Variants in GALNT13 observed in about 807,000 individuals in gnomAD.
The protein encoded by GALNT13 is UDP-GalNAc:polypeptide N-acetylgalactosaminyltransferase 13.
In GALNT13, 28 loss-of-function variants were observed where a neutral mutation model predicts 64.2. The ratio of observed to expected loss-of-function variants is 0.44; its 90% CI spans 0.32 to 0.60. GALNT13 has a LOEUF of 0.60. GALNT13 is among the 20% of genes least tolerant of loss of function. The pLI, the probability that GALNT13 is intolerant of heterozygous loss-of-function variation, is 0.05. For missense variants in GALNT13, 577 were observed against 669.8 expected, an observed-to-expected ratio of 0.86 and a Z score of 1.53; for synonymous variants, 214 against 224.6, an observed-to-expected ratio of 0.95 and a Z score of 0.42.
At chr2:154,398,581 T>A (rs1345013956) in intron 10 of GALNT13, among the ~76,000 whole-genome samples, 3 of 152,218 alleles carry the variant, frequency 2.0e-5, no homozygotes, top group African/African-American at 7.2e-5. Flanking sequence ...AAGAGAGGAA[T>A]TGAGCCTTTC....
intron 11 of GALNT13, 198 bp downstream of exon 11, chr2:154,409,280 C>A: frequency 1.8e-6 from 1 of 570,314 alleles, no homozygotes; most frequent in Non-Finnish European, 3.1e-6. Context: ...ATAAAAAGAG[C>A]AACACTTTCA....
chr2:153,780,238 T>TATATGC, the GALNT13 span, among the ~76,000 whole-genome samples: 454 of 14,976 alleles, frequency 0.03, 12 homozygotes, highest in Non-Finnish European at 0.091. Flanking sequence ...TATATATATA[T>TATATGC]ATATATATAT....
chr2:153,948,099 TG>T (rs1191804825), intron 3 of GALNT13, among the ~76,000 whole-genome samples: 1 of 152,128 alleles, frequency 6.6e-6, no homozygotes, highest in African/African-American at 2.4e-5. Context: ...TAGTATAGTT[TG>T]GTGTCAAGTA....
chr2:153,137,652 C>T, the GALNT13 span, among the ~76,000 whole-genome samples: 54 of 149,282 alleles, frequency 3.6e-4, no homozygotes, highest in East Asian at 8.5e-3. Flanking sequence ...TTACTTTATT[C>T]GATAAGTATT....
At chr2:153,135,814 A>ACT in the GALNT13 span, among the ~76,000 whole-genome samples, 1 of 152,060 alleles carries the variant, frequency 6.6e-6, no homozygotes, top group Non-Finnish European at 1.5e-5. Flanking sequence ...AAACTTTAAA[A>ACT]GTATGCATAG....
At chr2:154,370,453 G>A (rs1697621135) in intron 9 of GALNT13, among the ~76,000 whole-genome samples, 2 of 152,106 alleles carry the variant, frequency 1.3e-5, no homozygotes, top group Non-Finnish European at 1.5e-5. Context: ...GACAGCAGTA[G>A]GAGAAATGGC....
the GALNT13 span, among the ~76,000 whole-genome samples, chr2:153,463,090 A>T: frequency 6.6e-6 from 1 of 152,112 alleles, no homozygotes; most frequent in African/African-American, 2.4e-5. Context: ...TCTTCCACAT[A>T]AAATCAACTC....
At chr2:154,414,505 A>T (rs543675318) in intron 11 of GALNT13, among the ~76,000 whole-genome samples, 355 of 49,790 alleles carry the variant, frequency 7.1e-3, no homozygotes, top group African/African-American at 0.033. Context: ...CCTGTGTATT[A>T]TATTTTTTTT....
Position 154,206,796 on chromosome 2 carries a change from C to CA in GALNT13, c.312-35232dup, listed in dbSNP as rs780466038. On this transcript the variant is annotated intron_variant, in intron 4 of 12. Transcript: ENST00000392825. ...GAGACTCTGTCTCAAAAAACAACAA[C>CA]AACAAAAAAAAAAAACAGGAAGGGG... is the stretch of plus-strand genomic sequence containing the variant. Among the ~76,000 whole-genome samples the CA allele has an allele frequency of 6.3e-4, 90 of 141,810 alleles. 1 individual carries two copies. Among genetic ancestry groups the CA allele is most frequent in the South Asian group, 1.1e-3 (5 of 4,546 alleles). 93.0% of individuals were successfully genotyped at this position (141,810 alleles called of 152,430 possible).
chr2:153,716,232 G>T, the GALNT13 span, among the ~76,000 whole-genome samples: 3 of 152,196 alleles, frequency 2.0e-5, no homozygotes, highest in Non-Finnish European at 4.4e-5. Context: ...GAATATCTCA[G>T]ATCCTTGCCA....
chr2:153,227,698 A>G, the GALNT13 span, among the ~76,000 whole-genome samples: 1 of 152,152 alleles, frequency 6.6e-6, no homozygotes, highest in Non-Finnish European at 1.5e-5. Flanking sequence ...TCATATTCTA[A>G]TTTTTCTAGG....
intron 2 of GALNT13, among the ~76,000 whole-genome samples, chr2:153,928,721 G>A (rs1165979487): frequency 6.6e-6 from 1 of 151,914 alleles, no homozygotes; most frequent in African/African-American, 2.4e-5. Context: ...TCTTTATGAG[G>A]ACTTCTTAAT....
At chr2:153,119,237 G>A in the GALNT13 span, among the ~76,000 whole-genome samples, 1 of 152,028 alleles carries the variant, frequency 6.6e-6, no homozygotes, top group East Asian at 1.9e-4. Context: ...TAATACATAA[G>A]TGCACAGCTA....
chr2:153,749,957 T>C, the GALNT13 span, among the ~76,000 whole-genome samples: 1 of 151,942 alleles, frequency 6.6e-6, no homozygotes, highest in Non-Finnish European at 1.5e-5. Context: ...TGATACTAGC[T>C]GTGGGCCTGT....
the GALNT13 span, among the ~76,000 whole-genome samples, chr2:153,865,025 TC>T: frequency 6.7e-6 from 1 of 149,674 alleles, no homozygotes; most frequent in Non-Finnish European, 1.5e-5. Context: ...AACTATCTGA[TC>T]TTTGACAAAC....
chr2:153,903,210 T>A (rs1411292312), intron 2 of GALNT13, among the ~76,000 whole-genome samples: 2 of 151,940 alleles, frequency 1.3e-5, no homozygotes, highest in Non-Finnish European at 2.9e-5. Flanking sequence ...TTGTCTTCCT[T>A]CCTTAGTAGA....
chr2:153,756,015 T>C, the GALNT13 span, among the ~76,000 whole-genome samples: 3 of 152,098 alleles, frequency 2.0e-5, no homozygotes, highest in Non-Finnish European at 4.4e-5. Flanking sequence ...CTTGGAAAAA[T>C]ATATTCCTAT....
chr2:153,571,187 T>G, the GALNT13 span, among the ~76,000 whole-genome samples: 5 of 151,980 alleles, frequency 3.3e-5, no homozygotes, highest in Non-Finnish European at 2.9e-5. Flanking sequence ...TTGGTTAACT[T>G]AATTTCTAGT....
chr2:154,296,110 A>G (rs2105971626), intron 8 of GALNT13, among the ~76,000 whole-genome samples: 1 of 152,236 alleles, frequency 6.6e-6, no homozygotes, highest in East Asian at 1.9e-4. Context: ...CCCATAGCTC[A>G]TTCTTTCTTT....
Sources: gnomAD v4.1 joint callset for allele counts (sites outside exome capture counted in the v4.1 genomes callset) on GRCh38, gnomAD v4.1.1 for gene constraint, MANE v1.5 for transcripts, NCBI Gene and HGNC (gene_info 2026-07-23, HGNC 2026-07-21) for gene names.